The following HCN1 variants were observed in gnomAD, a reference collection of about 807,000 sequenced individuals.
HCN1 encodes the protein hyperpolarization activated cyclic nucleotide gated potassium channel 1, also known as potassium/sodium hyperpolarization-activated cyclic nucleotide-gated channel 1.
In HCN1, 13 loss-of-function variants were observed where a neutral mutation model predicts 78.9. That is an observed-to-expected ratio of 0.16 (90% CI 0.11 to 0.26). The LOEUF (loss-of-function observed/expected upper bound fraction) is 0.26, where lower values mean the gene tolerates loss of function less well. Ranked by LOEUF, HCN1 falls within the 10% of genes least tolerant of loss-of-function variation. HCN1 has a pLI of 1.00. For missense variants in HCN1, 810 were observed against 1,154.3 expected, an observed-to-expected ratio of 0.70 and a Z score of 4.32; for synonymous variants, 552 against 455.5, an observed-to-expected ratio of 1.21 and a Z score of -2.70.
intron 1 of HCN1, among the ~76,000 whole-genome samples, chr5:45,675,105 CACT>C (rs1195016336): frequency 1.3e-5 from 2 of 151,584 alleles, no homozygotes; most frequent in Non-Finnish European, 3.0e-5. Context: ...CCAGTGTTCT[CACT>C]ACTACTCTGA....
intron 4 of HCN1, among the ~76,000 whole-genome samples, chr5:45,377,228 C>T (rs1252760034): frequency 6.6e-6 from 1 of 151,824 alleles, no homozygotes; most frequent in Non-Finnish European, 1.5e-5. Flanking sequence ...AACCATAGAT[C>T]AAGAAAAATG....
intron 2 of HCN1, among the ~76,000 whole-genome samples, chr5:45,504,072 AC>A (rs1212406747): frequency 6.6e-6 from 1 of 152,120 alleles, no homozygotes; most frequent in African/African-American, 2.4e-5. Flanking sequence ...GGCATGAGCC[AC>A]CATGCCAGGA....
At chr5:45,377,557 G>A (rs147674786) in intron 4 of HCN1, among the ~76,000 whole-genome samples, 8 of 151,792 alleles carry the variant, frequency 5.3e-5, no homozygotes, top group African/African-American at 1.9e-4. Context: ...AACTAACCGA[G>A]AGCAAAGTTA....
chr5:45,536,465 C>T (rs1029502358), intron 2 of HCN1, among the ~76,000 whole-genome samples: 1 of 152,146 alleles, frequency 6.6e-6, no homozygotes, highest in Non-Finnish European at 1.5e-5. Flanking sequence ...TAAACCCACA[C>T]AGTGTTTTCC....
At chr5:45,408,025 A>G (rs576923397) in intron 3 of HCN1, among the ~76,000 whole-genome samples, 4 of 152,198 alleles carry the variant, frequency 2.6e-5, no homozygotes, top group Non-Finnish European at 4.4e-5. Context: ...CATATAGAAT[A>G]TAAGTACAGG....
At chr5:45,302,986 T>C (rs1285563015) in intron 6 of HCN1, among the ~76,000 whole-genome samples, 1 of 152,132 alleles carries the variant, frequency 6.6e-6, no homozygotes, top group African/African-American at 2.4e-5. Flanking sequence ...GGTATGTCTT[T>C]ATCATCAGTG....
intron 2 of HCN1, among the ~76,000 whole-genome samples, chr5:45,474,152 G>A (rs1741466414): frequency 6.6e-6 from 1 of 151,558 alleles, no homozygotes; most frequent in Non-Finnish European, 1.5e-5. Flanking sequence ...TATAATCAAG[G>A]CACTCCATAA....
intron 3 of HCN1, among the ~76,000 whole-genome samples, chr5:45,444,850 G>GTGCAGGT (rs1365527557): frequency 6.6e-6 from 1 of 151,736 alleles, no homozygotes; most frequent in East Asian, 1.9e-4. Context: ...TGTGCACAAT[G>GTGCAGGT]TGCAGGTTAG....
intron 6 of HCN1, among the ~76,000 whole-genome samples, chr5:45,299,039 T>A (rs896873042): frequency 4.6e-5 from 7 of 152,030 alleles, no homozygotes; most frequent in Admixed American, 4.6e-4. Flanking sequence ...TTCTACAAGA[T>A]ACCTTAACCA....
intron 3 of HCN1, among the ~76,000 whole-genome samples, chr5:45,440,662 G>T (rs1740652530): frequency 6.6e-6 from 1 of 152,106 alleles, no homozygotes; most frequent in South Asian, 2.1e-4. Context: ...AGCATTTATT[G>T]CTCACTGCCA....
chr5:45,635,318 C>T (rs961443808), intron 2 of HCN1, among the ~76,000 whole-genome samples: 2 of 151,834 alleles, frequency 1.3e-5, no homozygotes, highest in Non-Finnish European at 2.9e-5. Context: ...ATTCTGAATT[C>T]CCCCATTCTC....
At chr5:45,569,753 T>G (rs1172684884) in intron 2 of HCN1, among the ~76,000 whole-genome samples, 1 of 152,084 alleles carries the variant, frequency 6.6e-6, no homozygotes, top group African/African-American at 2.4e-5. Context: ...GTTTAAAGTT[T>G]AAAATTAGTA....
At chr5:45,345,532 TA>T (rs1450963372) in intron 5 of HCN1, among the ~76,000 whole-genome samples, 1 of 152,202 alleles carries the variant, frequency 6.6e-6, no homozygotes, top group Non-Finnish European at 1.5e-5. Flanking sequence ...TTCCACTAGA[TA>T]CCCTAAATTA....
intron 3 of HCN1, among the ~76,000 whole-genome samples, chr5:45,398,928 A>G (rs960260482): frequency 1.3e-5 from 2 of 152,222 alleles, no homozygotes; most frequent in African/African-American, 4.8e-5. Context: ...ATGACTTTCT[A>G]AAGTGCTTAC....
chr5:45,413,289 T>A (rs948040078), intron 3 of HCN1, among the ~76,000 whole-genome samples: 1 of 152,050 alleles, frequency 6.6e-6, no homozygotes, highest in African/African-American at 2.4e-5. Context: ...AATAAAAAAA[T>A]AAATATTTTA....
intron 2 of HCN1, among the ~76,000 whole-genome samples, chr5:45,515,434 T>C (rs1742498604): frequency 6.6e-6 from 1 of 151,972 alleles, no homozygotes; most frequent in Admixed American, 6.6e-5. Flanking sequence ...TTTGTTGATG[T>C]CTTAGAGAAA....
At chr5:45,653,967 T>C (rs1745723603) in intron 1 of HCN1, among the ~76,000 whole-genome samples, 1 of 152,038 alleles carries the variant, frequency 6.6e-6, no homozygotes, top group African/African-American at 2.4e-5. Context: ...TTTTGGATGA[T>C]TTCAAAATTA....
chr5:45,272,631 G>A lies in HCN1; in HGVS notation c.1619-5378C>T, dbSNP rs1188055218. ...TTGGATAATATTGGTTCACCTGTTA[G>A]GCATCTTCCCTTGGTCATAGAACTT... On this transcript the variant is annotated intron_variant, in intron 6 of 7. Transcript: ENST00000303230. Among the ~76,000 whole-genome samples, 2 of 151,990 alleles carry A rather than the reference G, an allele frequency of 1.3e-5. 1 individual carries two copies. The highest frequency in any genetic ancestry group is 3.9e-4 in the East Asian group (2 of 5,192).
intron 5 of HCN1, among the ~76,000 whole-genome samples, chr5:45,347,059 C>T (rs1746735545): frequency 6.6e-6 from 1 of 152,220 alleles, no homozygotes; most frequent in African/African-American, 2.4e-5. Flanking sequence ...GGCAGACTGC[C>T]TCCCCAAGTG....
Sources: allele counts gnomAD v4.1 joint callset (sites outside exome capture counted in the v4.1 genomes callset), GRCh38; gene constraint gnomAD v4.1.1; transcripts MANE v1.5; gene names NCBI Gene and HGNC (gene_info 2026-07-23, HGNC 2026-07-21).